MGAT4C: variants seen among roughly 807,000 people sequenced by gnomAD.
The protein encoded by MGAT4C is alpha-1,3-mannosyl-glycoprotein 4-beta-N-acetylglucosaminyltransferase C.
MGAT4C carries 19 observed loss-of-function variants against 40.1 expected under a neutral mutation model. The ratio of observed to expected loss-of-function variants is 0.47; its 90% CI spans 0.33 to 0.70. MGAT4C has a LOEUF of 0.70. MGAT4C is among the 30% of genes least tolerant of loss of function. The pLI is 0.02. For synonymous variants in MGAT4C, 181 were observed against 187.1 expected (o/e 0.97, Z 0.27); for missense variants, 491 against 563.2 (o/e 0.87, Z 1.30).
At chr12:86,642,807 T>C (rs1963429306) in intron 2 of MGAT4C, among the ~76,000 whole-genome samples, 1 of 151,536 alleles carries the variant, frequency 6.6e-6, no homozygotes, top group Non-Finnish European at 1.5e-5. Flanking sequence ...ATATATATTT[T>C]ATATGTATAT....
intron 3 of MGAT4C, among the ~76,000 whole-genome samples, chr12:86,345,478 A>G (rs1201287958): frequency 7.0e-6 from 1 of 142,922 alleles, no homozygotes; most frequent in Non-Finnish European, 1.5e-5. Flanking sequence ...TCCTGTGTCC[A>G]TGTGTTCTCT....
intron 1 of MGAT4C, among the ~76,000 whole-genome samples, chr12:86,062,361 C>T (rs1157670453): frequency 1.3e-5 from 2 of 151,990 alleles, no homozygotes; most frequent in Non-Finnish European, 2.9e-5. Context: ...ACTCAGAGAC[C>T]CCATCTGAAG....
chr12:86,076,206 C>T (rs1869668179), intron 1 of MGAT4C, among the ~76,000 whole-genome samples: 1 of 152,152 alleles, frequency 6.6e-6, no homozygotes, highest in Admixed American at 6.5e-5. Flanking sequence ...AAAATGACAC[C>T]AGTCTCTTTG....
chr12:86,175,747 T>G (rs923093574), intron 1 of MGAT4C, among the ~76,000 whole-genome samples: 6 of 135,354 alleles, frequency 4.4e-5, no homozygotes, highest in Non-Finnish European at 9.1e-5. Flanking sequence ...GTTAGGAGAT[T>G]GAGACCATCC....
At chr12:86,454,889 CTT>C (rs937154230) in intron 2 of MGAT4C, among the ~76,000 whole-genome samples, 25 of 152,018 alleles carry the variant, frequency 1.6e-4, no homozygotes, top group Non-Finnish European at 3.4e-4. Context: ...TATGTTGTTT[CTT>C]TCTCTTAACA....
At chr12:86,276,546 C>T (rs1045165318) in intron 4 of MGAT4C, among the ~76,000 whole-genome samples, 2 of 151,884 alleles carry the variant, frequency 1.3e-5, no homozygotes, top group Admixed American at 6.6e-5. Flanking sequence ...ATTTTTTGTA[C>T]TCATTAACCA....
At chr12:86,121,946 C>T (rs1879444823) in intron 1 of MGAT4C, among the ~76,000 whole-genome samples, 1 of 152,164 alleles carries the variant, frequency 6.6e-6, no homozygotes, top group Non-Finnish European at 1.5e-5. Context: ...GTGATCATAA[C>T]AGCTCAAAAG....
intron 2 of MGAT4C, among the ~76,000 whole-genome samples, chr12:86,612,688 G>A (rs1962325297): frequency 1.3e-5 from 2 of 148,184 alleles, no homozygotes; most frequent in South Asian, 2.1e-4. Context: ...TGCAGTGAGA[G>A]GAGATCATGC....
At chr12:86,079,562 C>T (rs1870436192) in intron 1 of MGAT4C, among the ~76,000 whole-genome samples, 1 of 151,984 alleles carries the variant, frequency 6.6e-6, no homozygotes, top group South Asian at 2.1e-4. Flanking sequence ...ATAGTATGGT[C>T]TTGTCTGATG....
At chr12:86,798,431 C>T (rs1193342946) in intron 1 of MGAT4C, among the ~76,000 whole-genome samples, 1 of 151,826 alleles carries the variant, frequency 6.6e-6, no homozygotes, top group African/African-American at 2.4e-5. Flanking sequence ...CATTTCATGT[C>T]CCCGCCCTGC....
intron 4 of MGAT4C, among the ~76,000 whole-genome samples, chr12:86,275,795 C>T (rs999904942): frequency 2.6e-5 from 4 of 151,964 alleles, no homozygotes; most frequent in African/African-American, 9.7e-5. Flanking sequence ...GATTTCTAAC[C>T]TCCAAAACTG....
At chr12:86,241,842 T>C (rs1318435468) in intron 1 of MGAT4C, among the ~76,000 whole-genome samples, 1 of 152,154 alleles carries the variant, frequency 6.6e-6, no homozygotes, top group Non-Finnish European at 1.5e-5. Flanking sequence ...CTGACAAGCC[T>C]TTAGCTTCAT....
At chr12:86,232,141 GA>G (rs1202436233) in intron 1 of MGAT4C, among the ~76,000 whole-genome samples, 13 of 79,898 alleles carry the variant, frequency 1.6e-4, no homozygotes, top group East Asian at 8.5e-4. Context: ...TTCCAAAAAA[GA>G]AAAAAAAAAG....
In MGAT4C at chr12:85,979,764, G is replaced by A. The variant is rs145801611; in HGVS notation, c.962C>T (p.Thr321Met). 1,731 of 1,613,268 alleles carry A rather than the reference G, an allele frequency of 1.1e-3. 2 individuals are homozygous for A. Among genetic ancestry groups the A allele is most frequent in the Non-Finnish European group, 1.3e-3 (1,544 of 1,179,758 alleles). The change falls in exon 5 of 5, where the codon ACG (threonine) becomes ATG (methionine). Residue 321 changes from threonine to methionine, a missense_variant. Physicochemically the swap from Thr to Met is moderately conservative, Grantham distance 81 (BLOSUM62 -1). Coordinates refer to ENST00000611864, the MANE Select transcript of MGAT4C (RefSeq NM_001351288.2). ...ATCATCATCCTTCAGCTTATTCTCC[G>A]TCCCTTTGTATGATGAATAATAGCC... is the stretch of plus-strand genomic sequence containing the variant. ...HMGYYSSYKG[T>M]ENKLKDDDFE...
chr12:86,573,766 TTTA>T (rs1308475187), intron 2 of MGAT4C, among the ~76,000 whole-genome samples: 1 of 152,024 alleles, frequency 6.6e-6, no homozygotes, highest in African/African-American at 2.4e-5. Context: ...CTTGTTAGAA[TTTA>T]TTATATAACT....
intron 4 of MGAT4C, among the ~76,000 whole-genome samples, chr12:86,318,470 C>A (rs1954299247): frequency 6.6e-6 from 1 of 152,186 alleles, no homozygotes; most frequent in Non-Finnish European, 1.5e-5. Context: ...CATCCCACTT[C>A]ACTCTTCACA....
chr12:86,490,753 G>T (rs1592911011), intron 2 of MGAT4C, among the ~76,000 whole-genome samples: 1 of 152,110 alleles, frequency 6.6e-6, no homozygotes, highest in East Asian at 1.9e-4. Flanking sequence ...AAAAGGCAGG[G>T]TTTGCAATCC....
chr12:86,686,314 T>C (rs1950071473), intron 2 of MGAT4C, among the ~76,000 whole-genome samples: 1 of 152,180 alleles, frequency 6.6e-6, no homozygotes, highest in Admixed American at 6.5e-5. Flanking sequence ...CTCTTCCTAT[T>C]TGAATATCCT....
intron 1 of MGAT4C, among the ~76,000 whole-genome samples, chr12:86,083,298 C>T (rs1257992077): frequency 6.6e-6 from 1 of 151,988 alleles, no homozygotes. Flanking sequence ...TCTCTCTGCC[C>T]CTGGACTCAA....
Sources: allele counts gnomAD v4.1 joint callset (sites outside exome capture counted in the v4.1 genomes callset), GRCh38; gene constraint gnomAD v4.1.1; transcripts MANE v1.5; gene names NCBI Gene and HGNC (gene_info 2026-07-23, HGNC 2026-07-21).